Variants in NALF1 observed in about 807,000 individuals in gnomAD.
The protein encoded by NALF1 is NALCN channel auxiliary factor 1, also known as family with sequence similarity 155 member A.
Under a neutral mutation model 48.4 loss-of-function variants are expected in NALF1, and 3 were observed. The ratio of observed to expected loss-of-function variants is 0.06; its 90% CI spans 0.03 to 0.16. NALF1 has a LOEUF of 0.16. NALF1 is among the 10% of genes least tolerant of loss of function. The pLI is 1.00. For synonymous variants in NALF1, 262 were observed against 245.7 expected (o/e 1.07, Z -0.62); for missense variants, 526 against 571.5 (o/e 0.92, Z 0.81).
At chr13:107,515,826 G>A (rs554125811) in intron 1 of NALF1, among the ~76,000 whole-genome samples, 6 of 152,214 alleles carry the variant, frequency 3.9e-5, no homozygotes, top group East Asian at 1.9e-4. Context: ...CACAGATTTC[G>A]GGAAGAAAGA....
intron 1 of NALF1, among the ~76,000 whole-genome samples, chr13:107,791,994 T>C (rs536306007): frequency 1.2e-4 from 18 of 152,284 alleles, no homozygotes; most frequent in Middle Eastern, 3.4e-3. Context: ...AAATTTGCTA[T>C]GTTTTAAGTT....
At chr13:107,450,947 A>G (rs982699463) in intron 1 of NALF1, among the ~76,000 whole-genome samples, 1 of 152,172 alleles carries the variant, frequency 6.6e-6, no homozygotes, top group Non-Finnish European at 1.5e-5. Flanking sequence ...TCCATCCCTG[A>G]TTTTCCCAGA....
At chr13:107,371,409 G>A (rs1287508024) in intron 1 of NALF1, among the ~76,000 whole-genome samples, 1 of 151,948 alleles carries the variant, frequency 6.6e-6, no homozygotes, top group Non-Finnish European at 1.5e-5. Flanking sequence ...CTGCAACACT[G>A]CACTTCAGCC....
intron 1 of NALF1, among the ~76,000 whole-genome samples, chr13:107,256,589 T>C (rs1880820216): frequency 6.6e-6 from 1 of 152,230 alleles, no homozygotes; most frequent in African/African-American, 2.4e-5. Context: ...CTGATATCAT[T>C]GACTTGACAA....
chr13:107,806,205 C>T lies in NALF1; in HGVS notation c.915+59477G>A, dbSNP rs80298038. On this transcript the variant is annotated intron_variant, in intron 1 of 2. Coordinates refer to ENST00000375915, the MANE Select transcript of NALF1 (RefSeq NM_001080396.3). Reference sequence around the variant, plus strand: ...AAAGACTCTGCTGTGCTCCTGGGTTCTGTTGCCTACAGTTTTAAAATATTC... The same window carrying T: ...AAAGACTCTGCTGTGCTCCTGGGTTTTGTTGCCTACAGTTTTAAAATATTC... Among the ~76,000 whole-genome samples, 27 of 152,264 alleles carry T rather than the reference C, an allele frequency of 1.8e-4. No individual in the cohort carries two copies. In the East Asian group the frequency reaches 4.4e-3, roughly 25 times the overall value.
intron 1 of NALF1, among the ~76,000 whole-genome samples, chr13:107,406,073 T>C (rs1013424588): frequency 2.6e-5 from 4 of 152,070 alleles, no homozygotes; most frequent in African/African-American, 7.2e-5. Context: ...TCTTGTCTTC[T>C]GACTGACAAG....
intron 1 of NALF1, among the ~76,000 whole-genome samples, chr13:107,864,851 T>C (rs112675475): frequency 1.3e-5 from 2 of 152,208 alleles, no homozygotes; most frequent in African/African-American, 4.8e-5. Context: ...ATATTCTTTA[T>C]TACACTGAAC....
chr13:107,512,924 C>T (rs1875943127), intron 1 of NALF1, among the ~76,000 whole-genome samples: 1 of 152,112 alleles, frequency 6.6e-6, no homozygotes, highest in Admixed American at 6.6e-5. Flanking sequence ...CCGCCTCTTA[C>T]CTCAATACCC....
At position 107,746,594 on chromosome 13, in the gene NALF1, C is replaced by T. The variant is rs564825496; in HGVS notation, c.915+119088G>A. 1.3e-4 allele frequency among the ~76,000 whole-genome samples: 20 copies of T among 152,234 alleles called. No homozygotes were observed. In the East Asian group the frequency reaches 2.7e-3, roughly 21 times the overall value. ...ACATTTACATTAAATAGGAATTTTA[C>T]TATCAAGAAACATCTGTATTCTTAA... On this transcript the variant is annotated intron_variant, in intron 1 of 2. Transcript: ENST00000375915.
intron 1 of NALF1, among the ~76,000 whole-genome samples, chr13:107,849,953 C>T (rs1880268045): frequency 6.6e-6 from 1 of 152,144 alleles, no homozygotes; most frequent in Non-Finnish European, 1.5e-5. Context: ...TGTCTTCAGG[C>T]TAATACTTTT....
intron 1 of NALF1, among the ~76,000 whole-genome samples, chr13:107,823,732 G>A (rs1024336396): frequency 2.6e-5 from 4 of 152,078 alleles, no homozygotes; most frequent in Admixed American, 1.3e-4. Flanking sequence ...ATATATGTTC[G>A]TGTGACAAGT....
chr13:107,640,755 C>T (rs1456703986), intron 1 of NALF1, among the ~76,000 whole-genome samples: 1 of 152,134 alleles, frequency 6.6e-6, no homozygotes, highest in Non-Finnish European at 1.5e-5. Context: ...TGTTATATCA[C>T]TCTGTGTGAG....
rs533259323 is a variant in NALF1, at chr13:107,420,230, A to G, written c.916-209475T>C. On this transcript the variant is annotated intron_variant, in intron 1 of 2. Transcript: ENST00000375915. ...GCAATAGCAATAAAGATATTTTGCT[A>G]ATTTTGAAAGACAAAACAAAAAGAG... 7.2e-5 allele frequency among the ~76,000 whole-genome samples: 11 copies of G among 152,286 alleles called. No homozygotes were observed. The East Asian group carries it at 1.9e-3, about 27-fold the overall frequency.
Position 107,720,388 on chromosome 13 carries a change from G to A in NALF1, c.915+145294C>T, listed in dbSNP as rs548786732. 2.0e-5 allele frequency among the ~76,000 whole-genome samples: 3 copies of A among 151,898 alleles called. No individual in the cohort carries two copies. The East Asian group carries it at 5.9e-4, about 30-fold the overall frequency. ...CAGCCAGGCGCGGTGGCGCACACCT[G>A]TAGTCCCAGCTACTTGGGAGGCTGA... On this transcript the variant is annotated intron_variant, in intron 1 of 2. Coordinates refer to ENST00000375915, the MANE Select transcript of NALF1 (RefSeq NM_001080396.3).
intron 1 of NALF1, among the ~76,000 whole-genome samples, chr13:107,803,206 A>G (rs1302174096): frequency 1.3e-5 from 2 of 152,324 alleles, no homozygotes; most frequent in Admixed American, 6.5e-5. Flanking sequence ...ATTTGAAAGA[A>G]GCGAACAAAT....
intron 2 of NALF1, among the ~76,000 whole-genome samples, chr13:107,207,854 C>T (rs998936829): frequency 2.6e-5 from 4 of 152,112 alleles, no homozygotes; most frequent in Admixed American, 6.6e-5. Context: ...GGTCTTGCTA[C>T]GTTGTCCAGA....
chr13:107,451,881 C>T (rs770169921), intron 1 of NALF1, among the ~76,000 whole-genome samples: 9 of 152,166 alleles, frequency 5.9e-5, no homozygotes, highest in African/African-American at 1.2e-4. Flanking sequence ...TCTCTTCTTT[C>T]TTACTGTGGA....
At chr13:107,197,971 C>T (rs1209452275) in intron 2 of NALF1, among the ~76,000 whole-genome samples, 1 of 152,118 alleles carries the variant, frequency 6.6e-6, no homozygotes, top group Non-Finnish European at 1.5e-5. Context: ...AAGTATTAGT[C>T]TATATTTCCT....
intron 1 of NALF1, among the ~76,000 whole-genome samples, chr13:107,287,640 T>C (rs1363048356): frequency 6.6e-6 from 1 of 152,090 alleles, no homozygotes; most frequent in Non-Finnish European, 1.5e-5. Context: ...GTTTAAATTA[T>C]ACAAGATCAT....
Sources: allele counts gnomAD v4.1 joint callset (sites outside exome capture counted in the v4.1 genomes callset), GRCh38; gene constraint gnomAD v4.1.1; transcripts MANE v1.5; gene names NCBI Gene and HGNC (gene_info 2026-07-23, HGNC 2026-07-21).